Variants in IMMP2L observed in about 807,000 individuals in gnomAD.
IMMP2L encodes the protein inner mitochondrial membrane peptidase subunit 2, also known as mitochondrial inner membrane protease subunit 2.
A neutral mutation model predicts 19.3 loss-of-function variants in IMMP2L; 18 were observed. That is an observed-to-expected ratio of 0.93 (90% CI 0.64 to 1.38). The LOEUF (loss-of-function observed/expected upper bound fraction) is 1.38. Among genes scored for constraint, IMMP2L ranks in the 40% most tolerant of loss-of-function variants. The pLI is 0.00. For synonymous variants in IMMP2L, 76 were observed against 73.0 expected, an observed-to-expected ratio of 1.04 and a Z score of -0.21; for missense variants, 233 against 218.2, an observed-to-expected ratio of 1.07 and a Z score of -0.43.
chr7:111,105,343 G>A (rs79182900), intron 3 of IMMP2L, among the ~76,000 whole-genome samples: 1,545 of 151,854 alleles, frequency 0.01, 28 homozygotes, highest in African/African-American at 0.034. Flanking sequence ...CAGAAACTCC[G>A]AAATTATGCA....
chr7:110,828,666 T>C (rs1031683259), intron 5 of IMMP2L, among the ~76,000 whole-genome samples: 8 of 152,144 alleles, frequency 5.3e-5, no homozygotes, highest in Non-Finnish European at 1.0e-4. Flanking sequence ...AAGCCTAGTC[T>C]ACTCTACACA....
chr7:110,914,466 T>C (rs553042116), intron 4 of IMMP2L, among the ~76,000 whole-genome samples: 1 of 152,300 alleles, frequency 6.6e-6, no homozygotes, highest in African/African-American at 2.4e-5. Flanking sequence ...CAAAAAGTGA[T>C]GTGGATGGTC....
In IMMP2L at chr7:111,539,950, T is replaced by G. The variant is rs73203032; in HGVS notation, c.-2-18501A>C. On this transcript the variant is annotated intron_variant, in intron 1 of 5. Transcript: ENST00000405709. ...TATATTTATTCTCTGATGCAGCTATTTCTAAATTTACTTATTATTTTTAAT... is the reference window on the plus strand; with the variant it reads ...TATATTTATTCTCTGATGCAGCTATGTCTAAATTTACTTATTATTTTTAAT... Among the ~76,000 whole-genome samples, 799 of 152,240 alleles carry G rather than the reference T, an allele frequency of 5.2e-3. 7 individuals carry two copies. The highest frequency in any genetic ancestry group is 8.5e-3 in the Non-Finnish European group (575 of 67,996).
At chr7:111,260,808 T>C (rs1453607301) in intron 3 of IMMP2L, among the ~76,000 whole-genome samples, 3 of 152,066 alleles carry the variant, frequency 2.0e-5, no homozygotes, top group East Asian at 1.9e-4. Flanking sequence ...TACGTGACAA[T>C]AGAGAATTTT....
chr7:111,494,576 T>C (rs937459931), intron 2 of IMMP2L, among the ~76,000 whole-genome samples: 1 of 152,202 alleles, frequency 6.6e-6, no homozygotes, highest in South Asian at 2.1e-4. Flanking sequence ...CACAGAAAAC[T>C]ATGTTCAAAT....
At chr7:110,868,052 A>G (rs1348540007) in intron 5 of IMMP2L, among the ~76,000 whole-genome samples, 1 of 151,602 alleles carries the variant, frequency 6.6e-6, no homozygotes. Flanking sequence ...AGAGACGCAA[A>G]CTCAAGCTTC....
At chr7:111,419,834 AATG>A (rs1157524493) in intron 3 of IMMP2L, among the ~76,000 whole-genome samples, 2 of 151,736 alleles carry the variant, frequency 1.3e-5, no homozygotes, top group Non-Finnish European at 1.5e-5. Flanking sequence ...CACAGAACAA[AATG>A]ATAATTTACT....
intron 3 of IMMP2L, among the ~76,000 whole-genome samples, chr7:111,154,338 G>C (rs1804400472): frequency 6.6e-6 from 1 of 152,128 alleles, no homozygotes; most frequent in South Asian, 2.1e-4. Flanking sequence ...AGGGTAGATA[G>C]GCATTAGCAT....
intron 3 of IMMP2L, among the ~76,000 whole-genome samples, chr7:111,439,532 T>C (rs1409210101): frequency 3.3e-5 from 5 of 151,926 alleles, no homozygotes; most frequent in African/African-American, 4.9e-5. Flanking sequence ...AGATGTGCAA[T>C]TGCATTATGG....
intron 3 of IMMP2L, among the ~76,000 whole-genome samples, chr7:111,111,493 T>G (rs1799199842): frequency 6.6e-6 from 1 of 151,856 alleles, no homozygotes; most frequent in Non-Finnish European, 1.5e-5. Context: ...GCAAAATGTA[T>G]TTCATTTACT....
In IMMP2L at chr7:110,846,522, C is replaced by G. The variant is rs568324998; in HGVS notation, c.408+40071G>C. ...CTGGGACTACTGGCGCCTGCCACCA[C>G]GCCTGGCTAATTTTTGTATTTTTAG... is the stretch of plus-strand genomic sequence containing the variant. On this transcript the variant is annotated intron_variant, in intron 5 of 5. Coordinates refer to ENST00000405709, the MANE Select transcript of IMMP2L (RefSeq NM_032549.4). 2.0e-5 allele frequency among the ~76,000 whole-genome samples: 3 copies of G among 151,928 alleles called. No homozygotes were observed. The East Asian group carries it at 5.8e-4, about 30-fold the overall frequency.
chr7:111,292,120 C>T lies in IMMP2L; in HGVS notation c.239+195118G>A, dbSNP rs564487571. On this transcript the variant is annotated intron_variant, in intron 3 of 5. Coordinates refer to ENST00000405709, the MANE Select transcript of IMMP2L (RefSeq NM_032549.4). ...TCAAAAATGCCTGTCAAAAGACAAT[C>T]GTCCTGGGAACCACTCATGGCCTCT... is the stretch of plus-strand genomic sequence containing the variant. Among the ~76,000 whole-genome samples, 181 of 152,266 alleles carry T rather than the reference C, an allele frequency of 1.2e-3. 1 individual carries two copies. The highest frequency in any genetic ancestry group is 2.3e-3 in the South Asian group (11 of 4,824).
chr7:111,522,956 A>C (rs1846500119), intron 1 of IMMP2L, among the ~76,000 whole-genome samples: 1 of 120,864 alleles, frequency 8.3e-6, no homozygotes, highest in Non-Finnish European at 1.7e-5. Context: ...CCATAAAAAA[A>C]GAATGAAATC....
chr7:111,177,728 T>C (rs924221160), intron 3 of IMMP2L, among the ~76,000 whole-genome samples: 7 of 152,046 alleles, frequency 4.6e-5, no homozygotes, highest in Admixed American at 3.9e-4. Flanking sequence ...AGACAAGCCT[T>C]TGCCCTAAAA....
chr7:111,175,131 T>C lies in IMMP2L; in HGVS notation c.240-211566A>G, dbSNP rs1033397774. Among the ~76,000 whole-genome samples, 6 of 151,878 alleles carry C rather than the reference T, an allele frequency of 4.0e-5. No individual in the cohort carries two copies. In the South Asian group the frequency reaches 8.3e-4, roughly 21 times the overall value. On this transcript the variant is annotated intron_variant, in intron 3 of 5. Transcript: ENST00000405709. ...CGTTGCATTATGTATTCCGGCTTTA[T>C]GCAAGAAGATTAGGATTAATTACAC...
At chr7:111,114,768 A>G (rs1164879162) in intron 3 of IMMP2L, among the ~76,000 whole-genome samples, 1 of 151,986 alleles carries the variant, frequency 6.6e-6, no homozygotes, top group East Asian at 1.9e-4. Flanking sequence ...GAAAGAAAAA[A>G]AAAGAAATAC....
At chr7:110,863,527 T>A (rs1342030279) in intron 5 of IMMP2L, among the ~76,000 whole-genome samples, 1 of 152,128 alleles carries the variant, frequency 6.6e-6, no homozygotes, top group Non-Finnish European at 1.5e-5. Context: ...GTAGAAACTG[T>A]ACTTTGAATT....
intron 5 of IMMP2L, among the ~76,000 whole-genome samples, chr7:110,833,112 C>T (rs1252227033): frequency 2.6e-5 from 4 of 152,074 alleles, no homozygotes; most frequent in Non-Finnish European, 4.4e-5. Context: ...GATATTCATT[C>T]TAGAACAAGA....
chr7:110,734,887 C>T (rs1446558614), intron 5 of IMMP2L, among the ~76,000 whole-genome samples: 1 of 152,146 alleles, frequency 6.6e-6, no homozygotes, highest in East Asian at 1.9e-4. Flanking sequence ...AACAAAAATA[C>T]TCCTTGGCTC....
Sources: allele counts gnomAD v4.1 joint callset (sites outside exome capture counted in the v4.1 genomes callset), GRCh38; gene constraint gnomAD v4.1.1; transcripts MANE v1.5; gene names NCBI Gene and HGNC (gene_info 2026-07-23, HGNC 2026-07-21).